Variants in PLD1 observed in about 807,000 individuals in gnomAD.
The protein encoded by PLD1 is phospholipase D1.
In PLD1, 112 loss-of-function variants were observed where a neutral mutation model predicts 137.1. That is an observed-to-expected ratio of 0.82 (90% CI 0.70 to 0.96). The LOEUF is 0.96. PLD1 is among the 40% of genes least tolerant of loss of function. The probability of loss-of-function intolerance (pLI) is 0.00; values close to 1 mark genes in which losing one functional copy is unlikely to be tolerated. For missense variants in PLD1, 1,321 were observed against 1,342.0 expected (o/e 0.98, Z 0.24); for synonymous variants, 431 against 454.7 (o/e 0.95, Z 0.66).
At chr3:171,737,791 C>A in intron 2 of PLD1, 101 bp downstream of exon 2, 2 of 1,409,250 alleles carry the variant, frequency 1.4e-6, no homozygotes, top group Non-Finnish European at 1.9e-6. Context: ...GGTGTTACAT[C>A]TGCAAGGAAA....
intron 21 of PLD1, among the ~76,000 whole-genome samples, chr3:171,655,058 T>G (rs1737077347): frequency 6.6e-6 from 1 of 152,172 alleles, no homozygotes; most frequent in African/African-American, 2.4e-5. Context: ...GACTCAGATT[T>G]CTCCAGGGTA....
At chr3:171,704,946 G>A (rs746081937) in intron 11 of PLD1, among the ~76,000 whole-genome samples, 1 of 152,198 alleles carries the variant, frequency 6.6e-6, no homozygotes. Flanking sequence ...CCTCACATGC[G>A]TAGTTCACAA....
intron 1 of PLD1, among the ~76,000 whole-genome samples, chr3:171,783,934 A>G (rs1722892263): frequency 1.3e-5 from 2 of 152,164 alleles, no homozygotes; most frequent in Non-Finnish European, 2.9e-5. Flanking sequence ...GGTGTGAGCC[A>G]CTGCGCCCAG....
rs75140491 is a variant in PLD1, at chr3:171,663,617, G to A, written c.2230-1447C>T. Among the ~76,000 whole-genome samples, 164 of 152,328 alleles carry A rather than the reference G, an allele frequency of 1.1e-3. 3 individuals carry two copies. The East Asian group carries it at 0.029, about 27-fold the overall frequency. ...TGGCTGTGCACAGAAGAAAGGATGA[G>A]AGAACATGGAAAGAAGGTGTTCTCA... On this transcript the variant is annotated intron_variant, in intron 19 of 26. Transcript: ENST00000351298.
intron 21 of PLD1, chr3:171,654,030 A>G: frequency 2.8e-6 from 1 of 355,356 alleles, no homozygotes; most frequent in Non-Finnish European, 5.5e-6. Context: ...TAGCTCTTCT[A>G]CAGTTATAAG....
At chr3:171,701,368 T>C (rs982480571) in intron 11 of PLD1, among the ~76,000 whole-genome samples, 1 of 152,222 alleles carries the variant, frequency 6.6e-6, no homozygotes, top group African/African-American at 2.4e-5. Context: ...GTAAAATGCA[T>C]TGCTGTGCAC....
In PLD1 at chr3:171,737,672, GTAAA is replaced by G. The variant is rs766859400; in HGVS notation, c.161-17_161-14del. ...AAAGGGATATACACTAAAAAAAAAAGTAAATAAAGTTAATGCAATATATGATTAG... is the reference window on the plus strand; with the variant it reads ...AAAGGGATATACACTAAAAAAAAAAGTAAAGTTAATGCAATATATGATTAG... On this transcript the variant is annotated splice_polypyrimidine_tract_variant and intron_variant, in intron 2 of 26. Coordinates refer to ENST00000351298, the MANE Select transcript of PLD1 (RefSeq NM_002662.5). 1.1e-5 allele frequency: 16 copies of G among 1,451,334 alleles called. No individual in the cohort carries two copies. The highest frequency in any genetic ancestry group is 1.4e-5 in the African/African-American group (1 of 69,818). The allele number at this position is 1,451,334 out of a possible 1,614,324, so 89.9% of individuals were successfully genotyped here. A position where few individuals can be genotyped will look rare whatever the true frequency, so the allele number is the denominator to read the frequency against.
At chr3:171,668,902 C>A (rs1712445285) in intron 19 of PLD1, among the ~76,000 whole-genome samples, 1 of 152,154 alleles carries the variant, frequency 6.6e-6, no homozygotes, top group African/African-American at 2.4e-5. Context: ...GTTCCTTCAC[C>A]TTCTCTGTGT....
intron 1 of PLD1, among the ~76,000 whole-genome samples, chr3:171,773,898 G>A (rs1414781942): frequency 2.0e-5 from 3 of 151,780 alleles, no homozygotes; most frequent in Non-Finnish European, 4.4e-5. Flanking sequence ...ACAGGCGCCC[G>A]CCACCGCACC....
At chr3:171,794,715 A>G (rs548853631) in intron 1 of PLD1, among the ~76,000 whole-genome samples, 82 of 152,196 alleles carry the variant, frequency 5.4e-4, no homozygotes, top group Non-Finnish European at 1.0e-3. Flanking sequence ...CAATTCATAA[A>G]GAAGATGTTC....
At position 171,795,419 on chromosome 3, in the gene PLD1, C is replaced by T. The variant is rs149471329; in HGVS notation, c.-32+14980G>A. Among the ~76,000 whole-genome samples, 186 of 152,290 alleles carry T rather than the reference C, an allele frequency of 1.2e-3. 1 individual carries two copies. Among genetic ancestry groups the T allele is most frequent in the African/African-American group, 4.2e-3 (174 of 41,558 alleles). ...AGATAATCTCTTGGAATAAAGCAAC[C>T]AGCTGCCTATAGCAATGATGCTCCA... On this transcript the variant is annotated intron_variant, in intron 1 of 26. Coordinates refer to ENST00000351298, the MANE Select transcript of PLD1 (RefSeq NM_002662.5).
chr3:171,663,399 T>C (rs1019329717), intron 19 of PLD1, among the ~76,000 whole-genome samples: 16 of 152,252 alleles, frequency 1.1e-4, no homozygotes, highest in Non-Finnish European at 1.6e-4. Flanking sequence ...TTAACCTCTT[T>C]GTGCCTCAGA....
intron 16 of PLD1, among the ~76,000 whole-genome samples, chr3:171,681,965 T>C (rs1231604084): frequency 6.6e-6 from 1 of 152,144 alleles, no homozygotes; most frequent in African/African-American, 2.4e-5. Context: ...CAGCACATAG[T>C]TGCTGAATAG....
At chr3:171,708,943 A>C in intron 10 of PLD1, 105 bp from the exon 11 acceptor site, 3 of 664,746 alleles carry the variant, frequency 4.5e-6, no homozygotes, top group South Asian at 3.7e-5. Flanking sequence ...GAGTCTCCAC[A>C]TAACACATAA....
At chr3:171,725,915 G>C in intron 7 of PLD1, 103 bp downstream of exon 7, 2 of 772,048 alleles carry the variant, frequency 2.6e-6, no homozygotes, top group Non-Finnish European at 2.3e-6. Flanking sequence ...AGAGAAGCTA[G>C]CAGTAAAGCC....
chr3:171,683,824 G>C (rs759021885), intron 16 of PLD1, among the ~76,000 whole-genome samples: 2 of 152,148 alleles, frequency 1.3e-5, no homozygotes, highest in Non-Finnish European at 2.9e-5. Flanking sequence ...GCATATAACA[G>C]AAACTCAATA....
intron 1 of PLD1, among the ~76,000 whole-genome samples, chr3:171,791,016 T>C (rs1421361679): frequency 1.3e-5 from 2 of 152,232 alleles, no homozygotes; most frequent in African/African-American, 4.8e-5. Flanking sequence ...ATAGGACACA[T>C]TAAGTGTTTA....
chr3:171,614,731 C>T (rs1326396033), intron 24 of PLD1, among the ~76,000 whole-genome samples: 6 of 152,214 alleles, frequency 3.9e-5, no homozygotes, highest in Non-Finnish European at 7.3e-5. Flanking sequence ...CAGCAGAGGC[C>T]GCTGTCAGGC....
At chr3:171,766,661 TA>T (rs1453998777) in intron 1 of PLD1, among the ~76,000 whole-genome samples, 2 of 152,222 alleles carry the variant, frequency 1.3e-5, no homozygotes, top group African/African-American at 4.8e-5. Flanking sequence ...TGGTAATAAA[TA>T]ATGCTTCAAT....
Sources: allele counts gnomAD v4.1 joint callset (sites outside exome capture counted in the v4.1 genomes callset), GRCh38; gene constraint gnomAD v4.1.1; transcripts MANE v1.5; gene names NCBI Gene and HGNC (gene_info 2026-07-23, HGNC 2026-07-21).